Variants in PRKG1 observed in about 807,000 individuals in gnomAD.
PRKG1 encodes cGMP-dependent protein kinase 1.
Under a neutral mutation model 88.1 loss-of-function variants are expected in PRKG1, and 35 were observed. The ratio of observed to expected loss-of-function variants is 0.40; its 90% CI spans 0.30 to 0.53. The LOEUF (loss-of-function observed/expected upper bound fraction) is 0.53, where lower values mean the gene tolerates loss of function less well. PRKG1 is among the 20% of genes least tolerant of loss of function. The pLI is 0.59. For missense variants in PRKG1, 540 were observed against 839.8 expected (o/e 0.64, Z 4.41); for synonymous variants, 303 against 292.5 (o/e 1.04, Z -0.37).
At chr10:51,740,266 C>T (rs577027681) in intron 3 of PRKG1, among the ~76,000 whole-genome samples, 1 of 152,276 alleles carries the variant, frequency 6.6e-6, no homozygotes, top group Non-Finnish European at 1.5e-5. Context: ...TGAGGTCAAG[C>T]AGTCCCTCTG....
At chr10:51,035,135 T>G (rs1843337537) in intron 1 of PRKG1, among the ~76,000 whole-genome samples, 2 of 152,156 alleles carry the variant, frequency 1.3e-5, no homozygotes, top group Non-Finnish European at 2.9e-5. Flanking sequence ...TTCAGATGCC[T>G]GCATTTAAAT....
intron 3 of PRKG1, among the ~76,000 whole-genome samples, chr10:51,779,610 G>T (rs750727980): frequency 1.5e-4 from 23 of 151,972 alleles, no homozygotes; most frequent in Admixed American, 7.2e-4. Flanking sequence ...TCCTTGAAAG[G>T]CCTTCTCCCC....
At chr10:51,661,045 A>C (rs1276373065) in intron 3 of PRKG1, among the ~76,000 whole-genome samples, 7 of 152,058 alleles carry the variant, frequency 4.6e-5, no homozygotes, top group Admixed American at 4.6e-4. Context: ...TGTTGTTGTT[A>C]GAATGGATTT....
intron 2 of PRKG1, among the ~76,000 whole-genome samples, chr10:51,250,428 A>G (rs10996328): frequency 0.11 from 16,210 of 151,816 alleles, 1,169 homozygotes; most frequent in African/African-American, 0.2. Context: ...AGAATGATGG[A>G]ATAACCTGTC....
intron 2 of PRKG1, among the ~76,000 whole-genome samples, chr10:51,412,175 G>C (rs903410541): frequency 1.6e-5 from 1 of 60,716 alleles, no homozygotes; most frequent in Non-Finnish European, 3.8e-5. Flanking sequence ...TTAAAGGAGA[G>C]AGAGTGAGAG....
intron 3 of PRKG1, among the ~76,000 whole-genome samples, chr10:51,611,489 A>AC (rs1333904299): frequency 6.6e-6 from 1 of 151,232 alleles, no homozygotes. Flanking sequence ...TTTTTTAAAA[A>AC]AAAAACGTTA....
At chr10:51,629,527 A>C (rs12248374) in intron 3 of PRKG1, among the ~76,000 whole-genome samples, 4 of 151,482 alleles carry the variant, frequency 2.6e-5, no homozygotes, top group Non-Finnish European at 5.9e-5. Context: ...TCTCATTTTG[A>C]TTGCTGTCGC....
At chr10:51,609,898 A>G (rs903198694) in intron 3 of PRKG1, among the ~76,000 whole-genome samples, 1 of 152,118 alleles carries the variant, frequency 6.6e-6, no homozygotes, top group Non-Finnish European at 1.5e-5. Flanking sequence ...TGGGCTTAAT[A>G]CCTAGGCGAT....
chr10:52,012,361 C>T (rs1252828056), intron 5 of PRKG1, among the ~76,000 whole-genome samples: 5 of 151,912 alleles, frequency 3.3e-5, no homozygotes, highest in African/African-American at 1.2e-4. Flanking sequence ...CCTGCCTCAG[C>T]CTCCTGAGTA....
At chr10:51,163,889 T>C (rs539593212) in intron 2 of PRKG1, among the ~76,000 whole-genome samples, 4 of 152,240 alleles carry the variant, frequency 2.6e-5, no homozygotes, top group East Asian at 1.9e-4. Context: ...ACAAAGCAGC[T>C]GGGAAGCTGG....
At chr10:52,248,183 A>T (rs1441024355) in intron 9 of PRKG1, among the ~76,000 whole-genome samples, 4 of 152,160 alleles carry the variant, frequency 2.6e-5, no homozygotes, top group Non-Finnish European at 5.9e-5. Context: ...CTGTAAACCC[A>T]CAACCTTCCA....
intron 3 of PRKG1, among the ~76,000 whole-genome samples, chr10:51,569,759 G>A (rs1837697824): frequency 6.6e-6 from 1 of 151,954 alleles, no homozygotes; most frequent in Admixed American, 6.6e-5. Flanking sequence ...GTCATTCTCT[G>A]CATTTGTTTC....
At chr10:51,749,611 G>A (rs905017707) in intron 3 of PRKG1, among the ~76,000 whole-genome samples, 1 of 152,294 alleles carries the variant, frequency 6.6e-6, no homozygotes, top group African/African-American at 2.4e-5. Context: ...TGAATGGACA[G>A]GGAGGGTAAA....
intron 2 of PRKG1, among the ~76,000 whole-genome samples, chr10:51,392,871 C>A (rs1837456697): frequency 7.1e-6 from 1 of 140,804 alleles, no homozygotes; most frequent in African/African-American, 2.8e-5. Context: ...GACCCCCCCA[C>A]CTCCCTCCCA....
intron 2 of PRKG1, among the ~76,000 whole-genome samples, chr10:51,156,176 G>A (rs1904692): frequency 0.52 from 78,781 of 151,442 alleles, 21,080 homozygotes; most frequent in African/African-American, 0.67. Flanking sequence ...TTGATATCCC[G>A]TAGCTTAAAT....
At chr10:52,234,329 A>T (rs1460129877) in intron 9 of PRKG1, among the ~76,000 whole-genome samples, 1 of 152,228 alleles carries the variant, frequency 6.6e-6, no homozygotes, top group African/African-American at 2.4e-5. Context: ...GACTTTGATG[A>T]GCTGAGAGAA....
chr10:52,290,431 CAT>C, intron 17 of PRKG1, 141 bp downstream of exon 17: 1 of 715,114 alleles, frequency 1.4e-6, no homozygotes, highest in Non-Finnish European at 2.1e-6. Flanking sequence ...AAAATAATGA[CAT>C]ATTCTAAAAT....
chr10:51,623,189 G>A (rs546055237), intron 3 of PRKG1, among the ~76,000 whole-genome samples: 2 of 152,260 alleles, frequency 1.3e-5, no homozygotes, highest in African/African-American at 2.4e-5. Context: ...TATAGCTGAA[G>A]CAATTTCAGT....
At chr10:52,189,995 G>T (rs1186501130) in intron 9 of PRKG1, among the ~76,000 whole-genome samples, 1 of 152,124 alleles carries the variant, frequency 6.6e-6, no homozygotes, top group East Asian at 1.9e-4. Flanking sequence ...ATCAATGCAG[G>T]TTTATCTGTG....
Sources: allele counts gnomAD v4.1 joint callset (sites outside exome capture counted in the v4.1 genomes callset), GRCh38; gene constraint gnomAD v4.1.1; transcripts MANE v1.5; gene names NCBI Gene and HGNC (gene_info 2026-07-23, HGNC 2026-07-21).